Variants in TRAP1 observed in about 807,000 individuals in gnomAD.
The protein encoded by TRAP1 is heat shock protein 75 kDa, mitochondrial.
TRAP1 carries 102 observed loss-of-function variants against 89.1 expected under a neutral mutation model. The ratio of observed to expected loss-of-function variants is 1.15; its 90% CI spans 0.98 to 1.35. The LOEUF (loss-of-function observed/expected upper bound fraction) is 1.35, where lower values mean the gene tolerates loss of function less well. Ranked by LOEUF, TRAP1 falls within the 40% of genes most tolerant of loss-of-function variation. The probability of loss-of-function intolerance (pLI) is 0.00; values close to 1 mark genes in which losing one functional copy is unlikely to be tolerated. For synonymous variants in TRAP1, 508 were observed against 388.0 expected (o/e 1.31, Z -3.64); for missense variants, 1,256 against 945.3 (o/e 1.33, Z -4.31).
chr16:3,666,030 C>G lies in TRAP1; in HGVS notation c.1324G>C (p.Glu442Gln). The G allele has an allele frequency of 6.2e-7, 1 of 1,614,114 alleles. No homozygotes were observed. The highest frequency in any genetic ancestry group is 8.5e-7 in the Non-Finnish European group (1 of 1,180,002). The change falls in exon 12 of 18, where the codon GAA becomes CAA. Residue 442 changes from glutamate to glutamine, a missense_variant. Transcript: ENST00000246957. ...KDAEKYAKFF[E>Q]DYGLFMREGI... ...TCCCGCATGAACAGGCCGTAATCTT[C>G]AAAAAACTTTGCATACTTCTCAGCA...
chr16:3,699,254 T>C (rs2051332435), intron 1 of TRAP1, among the ~76,000 whole-genome samples: 1 of 152,294 alleles, frequency 6.6e-6, no homozygotes, highest in East Asian at 1.9e-4. Flanking sequence ...AGGCCCTCTC[T>C]CCCATTCAGG....
intron 3 of TRAP1, 97 bp downstream of exon 3, chr16:3,688,958 G>A (rs2051174521): frequency 1.8e-6 from 2 of 1,136,274 alleles, no homozygotes; most frequent in Admixed American, 2.2e-5. Flanking sequence ...CTTTCTCACA[G>A]CTAATATATT....
In TRAP1 at chr16:3,677,617, G is replaced by C. The variant is rs996193707; in HGVS notation, c.585C>G (p.Ser195Arg). The change falls in exon 6 of 18, where the codon AGC (serine) becomes AGG (arginine). Residue 195 changes from serine (S) to arginine (R), a missense_variant. By Grantham distance (110) the Ser-to-Arg change is moderately radical. Transcript: ENST00000246957. ...CCACTCCAAACTGGCCGATGATCTT[G>C]CTGCTGGCCTCAGCCTGGTTCTGCA... ...DALQNQAEAS[S>R]KIIGQFGVGF... 3.1e-6 allele frequency: 5 copies of C among 1,613,982 alleles called. No individual in the cohort carries two copies. The African/African-American group carries it at 5.3e-5, about 17-fold the overall frequency.
rs1292853401 is a variant in TRAP1 at position 3,658,125 on chromosome 16, G to C, written c.*4C>G. The C allele has an allele frequency of 6.2e-7, 1 of 1,613,814 alleles. No homozygotes were observed. The highest frequency in any genetic ancestry group is 8.5e-7 in the Non-Finnish European group (1 of 1,179,788). On this transcript the variant is annotated 3_prime_UTR_variant, in exon 18 of 18. Coordinates refer to ENST00000246957, the MANE Select transcript of TRAP1 (RefSeq NM_016292.3). ...TGGTGTCAGTCCTTCTGGCCCCCTG[G>C]CTGTCAGTGTCGCTCCAGGGCCTTG...
intron 1 of TRAP1, among the ~76,000 whole-genome samples, chr16:3,717,199 C>T (rs563482699): frequency 1.2e-4 from 19 of 152,366 alleles, no homozygotes; most frequent in South Asian, 8.3e-4. Flanking sequence ...CTTCAGGGCT[C>T]CCATGGGCGG....
intron 1 of TRAP1, among the ~76,000 whole-genome samples, chr16:3,693,372 C>G (rs975387148): frequency 6.7e-6 from 1 of 150,334 alleles, no homozygotes; most frequent in African/African-American, 2.4e-5. Context: ...GCATTGTTCA[C>G]TTTATTCGTA....
chr16:3,693,108 A>G (rs1049788462), intron 1 of TRAP1, among the ~76,000 whole-genome samples: 7 of 151,762 alleles, frequency 4.6e-5, no homozygotes, highest in Admixed American at 6.6e-5. Context: ...ACCAGCCACC[A>G]TGCCTAATTT....
rs144776256 is a variant in TRAP1 at position 3,690,926 on chromosome 16, C to A, written c.148G>T (p.Ala50Ser). 46 of 1,590,830 alleles carry A rather than the reference C, an allele frequency of 2.9e-5. No homozygotes were observed. The highest frequency in any genetic ancestry group is 2.1e-4 in the Admixed American group (12 of 56,692). ...TAQLGPRRNP[A>S]WSLQAGRLFS... ...AGTCGTCCTGCCTGCAAGCTCCAGG[C>A]TGGGTTTCGCCTGGGGCCCAACTGG... Residue 50 changes from alanine (A) to serine (S), a missense_variant, in exon 2 of 18, where the codon GCC (alanine) becomes TCC (serine). Physicochemically the swap from Ala to Ser is moderately conservative, Grantham distance 99. Transcript: ENST00000246957.
chr16:3,678,756 C>T (rs777888133), intron 5 of TRAP1, among the ~76,000 whole-genome samples: 10 of 152,176 alleles, frequency 6.6e-5, no homozygotes, highest in Admixed American at 5.2e-4. Flanking sequence ...CCACCGCACC[C>T]GACCTAGTGT....
intron 1 of TRAP1, among the ~76,000 whole-genome samples, chr16:3,713,666 G>C (rs116236323): frequency 5.1e-4 from 77 of 152,332 alleles, no homozygotes; most frequent in African/African-American, 1.8e-3. Flanking sequence ...CAGTCACCTC[G>C]TCATGCAAAA....
rs529224982 is a variant in TRAP1 at position 3,693,176 on chromosome 16, T to C, written c.89-2191A>G. 2.6e-5 allele frequency among the ~76,000 whole-genome samples: 4 copies of C among 152,018 alleles called. No homozygotes were observed. In the South Asian group the frequency reaches 8.3e-4, roughly 32 times the overall value. Reference sequence around the variant, plus strand: ...ATTGGTCAGGCTGCTCTCGAACTATTGACCTCAGGTGATCCACCCACCTAG... The same window carrying C: ...ATTGGTCAGGCTGCTCTCGAACTATCGACCTCAGGTGATCCACCCACCTAG... On this transcript the variant is annotated intron_variant, in intron 1 of 17. Transcript: ENST00000246957.
At chr16:3,678,704 A>G (rs1045515726) in intron 5 of TRAP1, among the ~76,000 whole-genome samples, 1 of 151,932 alleles carries the variant, frequency 6.6e-6, no homozygotes, top group East Asian at 1.9e-4. Flanking sequence ...CTCGTGATCC[A>G]CCTGCCTCGG....
At chr16:3,702,552 G>C (rs989100806) in intron 1 of TRAP1, among the ~76,000 whole-genome samples, 1 of 151,564 alleles carries the variant, frequency 6.6e-6, no homozygotes, top group Non-Finnish European at 1.5e-5. Context: ...AGACCAGCAT[G>C]GGCAAACTGG....
intron 1 of TRAP1, among the ~76,000 whole-genome samples, chr16:3,713,887 G>A (rs140315002): frequency 7.9e-4 from 121 of 152,332 alleles, no homozygotes; most frequent in African/African-American, 2.8e-3. Flanking sequence ...CAGGCCCAGG[G>A]CTGGCTCTGT....
chr16:3,665,858 A>C (rs1259034502), intron 12 of TRAP1, 113 bp downstream of exon 12: 1 of 1,344,250 alleles, frequency 7.4e-7, no homozygotes. Context: ...CAGCAGCAGC[A>C]GCCAGGGTAC....
At chr16:3,715,588 G>GA (rs1271804171) in intron 1 of TRAP1, among the ~76,000 whole-genome samples, 2 of 151,974 alleles carry the variant, frequency 1.3e-5, no homozygotes, top group South Asian at 2.1e-4. Flanking sequence ...ACGACAAAGA[G>GA]AAAAAATCTT....
intron 1 of TRAP1, among the ~76,000 whole-genome samples, chr16:3,716,415 G>A (rs1033068602): frequency 6.6e-6 from 1 of 152,148 alleles, no homozygotes. Flanking sequence ...ATGCAGCATT[G>A]TAATAAAAAG....
intron 17 of TRAP1, chr16:3,658,498 A>G (rs1177958655): frequency 3.5e-6 from 2 of 571,424 alleles, no homozygotes; most frequent in African/African-American, 3.8e-5. Context: ...CCTGGCCAAG[A>G]TGGTGAAAAC....
intron 1 of TRAP1, among the ~76,000 whole-genome samples, chr16:3,710,067 C>G (rs1022641631): frequency 6.6e-6 from 1 of 152,200 alleles, no homozygotes; most frequent in Non-Finnish European, 1.5e-5. Context: ...TTCCTGTGTT[C>G]CAGAACCTGG....
Sources: gnomAD v4.1 joint callset for allele counts (sites outside exome capture counted in the v4.1 genomes callset) on GRCh38, gnomAD v4.1.1 for gene constraint, MANE v1.5 for transcripts, NCBI Gene and HGNC (gene_info 2026-07-23, HGNC 2026-07-21) for gene names.